Variants in LEPR observed in about 807,000 individuals in gnomAD.
LEPR encodes leptin receptor.
Under a neutral mutation model 114.7 loss-of-function variants are expected in LEPR, and 56 were observed. The observed-to-expected ratio is 0.49, with a 90% CI of 0.39 to 0.61. The LOEUF is 0.61. LEPR is among the 20% of genes least tolerant of loss of function. LEPR has a pLI of 0.00. For missense variants in LEPR, 1,202 were observed against 1,352.9 expected, an observed-to-expected ratio of 0.89 and a Z score of 1.75; for synonymous variants, 443 against 461.4, an observed-to-expected ratio of 0.96 and a Z score of 0.51.
intron 2 of LEPR, among the ~76,000 whole-genome samples, chr1:65,503,216 A>G (rs2100529861): frequency 6.6e-6 from 1 of 152,324 alleles, no homozygotes; most frequent in Admixed American, 6.5e-5. Context: ...ACCATTCTGC[A>G]TGATACCATA....
intron 1 of LEPR, among the ~76,000 whole-genome samples, chr1:65,422,775 T>G (rs1646276751): frequency 2.0e-5 from 3 of 152,190 alleles, no homozygotes. Context: ...TGGTGAGGGT[T>G]GAAGCTGGCT....
At chr1:65,450,063 C>T (rs751380727) in intron 2 of LEPR, among the ~76,000 whole-genome samples, 3 of 151,874 alleles carry the variant, frequency 2.0e-5, no homozygotes, top group Non-Finnish European at 2.9e-5. Context: ...TGGAATTGTC[C>T]GGTTGTGTTT....
chr1:65,494,323 T>G (rs1365249642), intron 2 of LEPR: 1 of 152,176 alleles, frequency 6.6e-6, no homozygotes, highest in Non-Finnish European at 1.5e-5. Flanking sequence ...TGTGTCCCTT[T>G]ACATCATAGC....
At chr1:65,551,105 G>T (rs1314351843) in intron 2 of LEPR, among the ~76,000 whole-genome samples, 1 of 152,018 alleles carries the variant, frequency 6.6e-6, no homozygotes. Context: ...ATGTGCTGCT[G>T]GATTCTTTTT....
intron 5 of LEPR, among the ~76,000 whole-genome samples, chr1:65,590,884 CTTT>C (rs35969506): frequency 4.1e-5 from 6 of 147,106 alleles, no homozygotes; most frequent in Middle Eastern, 3.6e-3. Context: ...TGAATTTGCT[CTTT>C]TTTTTTTTTC....
intron 2 of LEPR, among the ~76,000 whole-genome samples, chr1:65,462,059 G>A (rs1646952764): frequency 6.6e-6 from 1 of 152,130 alleles, no homozygotes; most frequent in African/African-American, 2.4e-5. Context: ...TGTTACGTAG[G>A]TATACATGTG....
At chr1:65,520,499 A>C (rs1166744700) in intron 2 of LEPR, among the ~76,000 whole-genome samples, 1 of 152,190 alleles carries the variant, frequency 6.6e-6, no homozygotes, top group Non-Finnish European at 1.5e-5. Flanking sequence ...AGTAATTCTC[A>C]ATCCCTGAAA....
At position 65,633,782 on chromosome 1, in the gene LEPR, C is replaced by G; in HGVS notation, c.2674-2409C>G. 2 of 985,422 alleles carry G rather than the reference C, an allele frequency of 2.0e-6. No homozygotes were observed. The highest frequency in any genetic ancestry group is 2.4e-6 in the Non-Finnish European group (2 of 829,986). The allele number at this position is 985,422 out of a possible 1,614,324, so 61.0% of individuals were successfully genotyped here. ...ATCTGGGAATTTCAGTTTTCAATAT[C>G]CTTGAAAATGGCTTAAGTGATAACT... On this transcript the variant is annotated intron_variant, in intron 19 of 19. Transcript: ENST00000349533. This position sits in a 1 kb window ranked among gnomAD's most constrained non-coding sequence, Gnocchi z 4.1.
At position 65,435,024 on chromosome 1, in the gene LEPR, C is replaced by T. The variant is rs543173662; in HGVS notation, c.-21+9646C>T. 1,002 of 985,466 alleles carry T rather than the reference C, an allele frequency of 1.0e-3. 26 individuals carry two copies. The South Asian group carries it at 0.042, about 42-fold the overall frequency. The allele number at this position is 985,466 out of a possible 1,614,324, so 61.0% of individuals were successfully genotyped here. A position where few individuals can be genotyped will look rare whatever the true frequency, so the allele number is the denominator to read the frequency against. On this transcript the variant is annotated intron_variant, in intron 2 of 19. Transcript: ENST00000349533. ...GCACCTGCGTTTTTAGAGAATGCCT[C>T]ATAACCCACTGATTCTCATTCACAG...
intron 2 of LEPR, among the ~76,000 whole-genome samples, chr1:65,494,745 C>G (rs1648064656): frequency 6.6e-6 from 1 of 152,074 alleles, no homozygotes; most frequent in Non-Finnish European, 1.5e-5. Context: ...GATTTCTTTC[C>G]ATTCCCTTAT....
At chr1:65,487,164 A>G (rs1022147521) in intron 2 of LEPR, among the ~76,000 whole-genome samples, 14 of 152,164 alleles carry the variant, frequency 9.2e-5, no homozygotes, top group African/African-American at 2.2e-4. Flanking sequence ...ATTCAACAAC[A>G]ATATATTAAG....
intron 19 of LEPR, chr1:65,635,155 G>C (rs1448514680): frequency 6.3e-6 from 6 of 951,076 alleles, no homozygotes; most frequent in Non-Finnish European, 7.5e-6. Flanking sequence ...ATTATTTCAA[G>C]TAATAAATCT....
intron 2 of LEPR, among the ~76,000 whole-genome samples, chr1:65,515,441 G>GT (rs753059918): frequency 6.6e-6 from 1 of 152,214 alleles, no homozygotes; most frequent in African/African-American, 2.4e-5. Flanking sequence ...TTTTGTGTAG[G>GT]TAAGTGTTCA....
Position 65,425,281 on chromosome 1 carries a change from C to CT in LEPR, c.-96-18dup, listed in dbSNP as rs1646338467. On this transcript the variant is annotated intron_variant, in intron 1 of 19. Coordinates refer to ENST00000349533, the MANE Select transcript of LEPR (RefSeq NM_002303.6). Reference sequence around the variant, plus strand: ...ACAACCTCTACTGTGGGAACTTTAACTTTTGGCTTTATTTTTCACAGCTCT... The same window carrying CT: ...ACAACCTCTACTGTGGGAACTTTAACTTTTTGGCTTTATTTTTCACAGCTCT... 1.9e-6 allele frequency: 3 copies of CT among 1,610,610 alleles called. No homozygotes were observed. The African/African-American group carries it at 4.0e-5, about 22-fold the overall frequency.
At chr1:65,546,811 G>C (rs1245939231) in intron 2 of LEPR, among the ~76,000 whole-genome samples, 2 of 152,074 alleles carry the variant, frequency 1.3e-5, no homozygotes, top group Non-Finnish European at 2.9e-5. Context: ...TCCTTCTCCT[G>C]CCTAATTGTC....
At position 65,636,241 on chromosome 1, in the gene LEPR, T is replaced by C. The variant is rs1259865794; in HGVS notation, c.2724T>C (p.Cys908=). 3 of 1,614,024 alleles carry C rather than the reference T, an allele frequency of 1.9e-6. No individual in the cohort carries two copies. In the Admixed American group the frequency reaches 5.0e-5, roughly 27 times the overall value. The change falls in exon 20 of 20, where the codon TGT becomes TGC. Residue 908 remains cysteine, a synonymous_variant. Coordinates refer to ENST00000349533, the MANE Select transcript of LEPR (RefSeq NM_002303.6). ...TCAAGCATACAGCATCAGTGACATG[T>C]GGTCCTCTTCTTTTGGAGCCTGAAA... The part of the protein sequence containing the change: ...LFIKHTASVT[C]GPLLLEPETI...
At chr1:65,629,833 C>T (rs1020196293) in intron 19 of LEPR, among the ~76,000 whole-genome samples, 2 of 152,022 alleles carry the variant, frequency 1.3e-5, no homozygotes, top group Non-Finnish European at 2.9e-5. Context: ...CTCCTCTATC[C>T]TCCTACTTCA....
chr1:65,478,185 G>A (rs1647179380), intron 2 of LEPR, among the ~76,000 whole-genome samples: 1 of 152,166 alleles, frequency 6.6e-6, no homozygotes, highest in Non-Finnish European at 1.5e-5. Flanking sequence ...CAAGTTTAGT[G>A]GAAAAACACC....
At chr1:65,572,489 GT>G (rs753796511) in intron 5 of LEPR, 40 bp downstream of exon 5, 6 of 1,547,524 alleles carry the variant, frequency 3.9e-6, no homozygotes, top group Admixed American at 3.5e-5. Flanking sequence ...CTAATACACA[GT>G]TTTTTTAAAA....
Sources: allele counts gnomAD v4.1 joint callset (sites outside exome capture counted in the v4.1 genomes callset), GRCh38; gene constraint gnomAD v4.1.1; non-coding constraint Gnocchi (gnomAD v3.1); transcripts MANE v1.5; gene names NCBI Gene and HGNC (gene_info 2026-07-23, HGNC 2026-07-21).